NARF: variants seen among roughly 807,000 people sequenced by gnomAD.
NARF encodes the protein iron-only hydrogenase-like protein 2.
NARF carries 41 observed loss-of-function variants against 48.0 expected under a neutral mutation model. That is an observed-to-expected ratio of 0.85 (90% CI 0.66 to 1.11). The LOEUF (loss-of-function observed/expected upper bound fraction) is 1.11, where lower values mean the gene tolerates loss of function less well. Ranked by LOEUF, NARF falls within the 50% of genes least tolerant of loss-of-function variation. The pLI, the probability that NARF is intolerant of heterozygous loss-of-function variation, is 0.00. For missense variants in NARF, 613 were observed against 590.2 expected (o/e 1.04, Z -0.40); for synonymous variants, 215 against 225.5 (o/e 0.95, Z 0.42).
intron 5 of NARF, chr17:82,478,036 T>C (rs1038264145): frequency 1.3e-5 from 2 of 153,332 alleles, no homozygotes; most frequent in Non-Finnish European, 2.9e-5. Context: ...GTGGCTCTCA[T>C]GTACACAGGT....
rs71370223 is a variant in NARF, at chr17:82,477,302, G to A, written c.521-1498G>A. 2.6e-5 allele frequency among the ~76,000 whole-genome samples: 4 copies of A among 151,776 alleles called. No individual in the cohort carries two copies. The East Asian group carries it at 6.0e-4, about 23-fold the overall frequency. On this transcript the variant is annotated intron_variant, in intron 5 of 10. Transcript: ENST00000309794. The stretch of plus-strand genomic sequence containing the variant: ...GAGGATCTCCTGAGGTCAAGAGTTC[G>A]AGACCAGCCTGACCAACATGGTGAA...
intron 4 of NARF, among the ~76,000 whole-genome samples, chr17:82,470,831 T>C (rs931557832): frequency 1.4e-4 from 22 of 152,026 alleles, no homozygotes; most frequent in African/African-American, 5.3e-4. Context: ...TCTCTCAGCT[T>C]TGTTACCTGG....
chr17:82,465,845 C>T (rs2043553336), intron 3 of NARF, among the ~76,000 whole-genome samples: 1 of 152,250 alleles, frequency 6.6e-6, no homozygotes, highest in Admixed American at 6.5e-5. Flanking sequence ...GGATTATAGG[C>T]ATCAGCCACC....
At position 82,483,764 on chromosome 17, in the gene NARF, C is replaced by T. The variant is rs1276916664; in HGVS notation, c.818C>T (p.Ala273Val). Residue 273 changes from alanine (A) to valine (V), a missense_variant, in exon 8 of 11, where the codon GCT becomes GTT. Coordinates refer to ENST00000309794, the MANE Select transcript of NARF (RefSeq NM_012336.4). Reference protein sequence around the residue: ...MEQGDLSVRDAAVDTLFGDLK... With the variant: ...MEQGDLSVRDVAVDTLFGDLK... ...CAAGGTGACCTCTCAGTGAGAGATG[C>T]TGCCGTCGACACTCTGTAAGTGGCT... 7 of 1,613,748 alleles carry T rather than the reference C, an allele frequency of 4.3e-6. No individual in the cohort carries two copies. The highest frequency in any genetic ancestry group is 2.2e-5 in the East Asian group (1 of 44,880).
intron 7 of NARF, chr17:82,481,937 C>T (rs769910589): frequency 1.6e-5 from 5 of 316,386 alleles, no homozygotes; most frequent in African/African-American, 4.6e-5. Context: ...GAAAAAGGCA[C>T]GTTTGCTCCA....
intron 6 of NARF, 93 bp from the exon 7 acceptor site, chr17:82,480,989 C>A: frequency 6.8e-7 from 1 of 1,477,376 alleles, no homozygotes; most frequent in Non-Finnish European, 9.3e-7. Flanking sequence ...CAGCAGGGGG[C>A]ATTCGGTCTC....
chr17:82,464,922 A>G (rs1370175548), intron 3 of NARF, among the ~76,000 whole-genome samples: 1 of 152,240 alleles, frequency 6.6e-6, no homozygotes, highest in Non-Finnish European at 1.5e-5. Flanking sequence ...GAGAGGTGCC[A>G]CTTGTCTTTC....
At position 82,477,501 on chromosome 17, in the gene NARF, C is replaced by CA. The variant is rs977953647; in HGVS notation, c.521-1289dup. ...CCTGGGTGACAGAGCAAGACTGTCTCAAAAAAAAAACAAAAACAACCAAAA... is the reference window on the plus strand; with the variant it reads ...CCTGGGTGACAGAGCAAGACTGTCTCAAAAAAAAAAACAAAAACAACCAAAA... On this transcript the variant is annotated intron_variant, in intron 5 of 10. Transcript: ENST00000309794. 779 of 143,886 alleles carry CA rather than the reference C, an allele frequency of 5.4e-3. 8 individuals are homozygous for CA. The highest frequency in any genetic ancestry group is 0.017 in the African/African-American group (684 of 39,292). 8.9% of individuals were successfully genotyped at this position (143,886 alleles called of 1,614,324 possible). A position where few individuals can be genotyped will look rare whatever the true frequency, so the allele number is the denominator to read the frequency against.
chr17:82,485,551 C>T lies in NARF; in HGVS notation c.1026C>T (p.Arg342=), dbSNP rs903996554. 7 of 1,614,228 alleles carry T rather than the reference C, an allele frequency of 4.3e-6. No individual in the cohort carries two copies. In the East Asian group the frequency reaches 1.6e-4, roughly 36 times the overall value. ...TLEKNGEVVL[R]FAAAYGFRNI... is the part of the protein sequence containing the mutation. Reference sequence around the variant, plus strand: ...AGAAGAACGGAGAGGTGGTGTTACGCTTTGCTGCAGCCTATGGCTTTCGAA... The same window carrying T: ...AGAAGAACGGAGAGGTGGTGTTACGTTTTGCTGCAGCCTATGGCTTTCGAA... The change falls in exon 10 of 11, where the codon CGC becomes CGT. Residue 342 remains arginine (R), a synonymous_variant. Coordinates refer to ENST00000309794, the MANE Select transcript of NARF (RefSeq NM_012336.4).
At chr17:82,474,386 A>G (rs1441608812) in intron 5 of NARF, among the ~76,000 whole-genome samples, 1 of 152,214 alleles carries the variant, frequency 6.6e-6, no homozygotes, top group East Asian at 1.9e-4. Flanking sequence ...GAGTTATAGA[A>G]GAGATTTGTC....
Position 82,484,978 on chromosome 17 carries a change from G to C in NARF, c.971+28G>C. ...GTGGGGCAGTATCCACAGCCTGTCT[G>C]TGCCTGTGGTTAGCACGTGTGCATG... is the stretch of plus-strand genomic sequence containing the variant. On this transcript the variant is annotated intron_variant, in intron 9 of 10. Coordinates refer to ENST00000309794, the MANE Select transcript of NARF (RefSeq NM_012336.4). The C allele has an allele frequency of 2.5e-6, 4 of 1,572,928 alleles. No homozygotes were observed. In the East Asian group the frequency reaches 9.1e-5, roughly 36 times the overall value.
chr17:82,481,257 A>T (rs1189746686), intron 7 of NARF, 46 bp downstream of exon 7: 5 of 1,607,648 alleles, frequency 3.1e-6, no homozygotes, highest in South Asian at 1.1e-5. Flanking sequence ...GTAATCTCCT[A>T]CTGGCCAGTA....
At chr17:82,459,352 C>G in intron 1 of NARF, 1 of 234,672 alleles carries the variant, frequency 4.3e-6, no homozygotes, top group Non-Finnish European at 7.0e-6. Flanking sequence ...GTGGATGCTG[C>G]TCTGTGGCTG....
At chr17:82,458,970 G>T in intron 1 of NARF, 140 bp downstream of exon 1, 1 of 1,218,272 alleles carries the variant, frequency 8.2e-7, no homozygotes, top group Non-Finnish European at 1.0e-6. Flanking sequence ...CCCTGGGCCC[G>T]CTCGGCGTGG....
chr17:82,474,141 A>T (rs1011816446), intron 5 of NARF, among the ~76,000 whole-genome samples: 1 of 152,182 alleles, frequency 6.6e-6, no homozygotes, highest in African/African-American at 2.4e-5. Flanking sequence ...TGACTCCTCC[A>T]TTGTACTCCA....
At chr17:82,486,050 T>TGA (rs2044088351) in intron 10 of NARF, among the ~76,000 whole-genome samples, 1 of 151,376 alleles carries the variant, frequency 6.6e-6, no homozygotes, top group Non-Finnish European at 1.5e-5. Context: ...GAGAGAGCAG[T>TGA]GAGAGGTGGA....
chr17:82,462,138 C>T (rs76917658), intron 2 of NARF, among the ~76,000 whole-genome samples: 163 of 152,290 alleles, frequency 1.1e-3, no homozygotes, highest in African/African-American at 3.8e-3. Flanking sequence ...GATGAGATAA[C>T]GTGTGTACAC....
At chr17:82,458,607 T>C, upstream of NARF, 3 of 631,650 alleles carry the variant, frequency 4.7e-6, no homozygotes, top group Non-Finnish European at 7.1e-6. Flanking sequence ...GGCAAAGCCG[T>C]AAGGGTGGGG....
rs2044168737 is a variant in NARF at position 82,489,900 on chromosome 17, TCA to T, written c.*1746_*1747del. On this transcript the variant is annotated 3_prime_UTR_variant, in exon 11 of 11. Coordinates refer to ENST00000309794, the MANE Select transcript of NARF (RefSeq NM_012336.4). ...TGGAGTTCAGTGGCGTGATCTCGGC[TCA>T]CAGCAACCTCCGCCTCCTGGGTTCA... is the stretch of plus-strand genomic sequence containing the variant. 6.6e-6 allele frequency: 1 copy of T among 152,132 alleles called. No homozygotes were observed. The highest frequency in any genetic ancestry group is 1.5e-5 in the Non-Finnish European group (1 of 68,084). The allele number at this position is 152,132 out of a possible 1,614,324, so 9.4% of individuals were successfully genotyped here. A position where few individuals can be genotyped will look rare whatever the true frequency, so the allele number is the denominator to read the frequency against.
Sources: gnomAD v4.1 joint callset for allele counts (sites outside exome capture counted in the v4.1 genomes callset) on GRCh38, gnomAD v4.1.1 for gene constraint, MANE v1.5 for transcripts, NCBI Gene and HGNC (gene_info 2026-07-23, HGNC 2026-07-21) for gene names.